DPP10: variants seen among roughly 807,000 people sequenced by gnomAD.
The protein encoded by DPP10 is inactive dipeptidyl peptidase 10.
A neutral mutation model predicts 120.9 loss-of-function variants in DPP10; 33 were observed. The ratio of observed to expected loss-of-function variants is 0.27; its 90% CI spans 0.21 to 0.37. The LOEUF (loss-of-function observed/expected upper bound fraction) is 0.37, where lower values mean the gene tolerates loss of function less well. Ranked by LOEUF, DPP10 falls within the 10% of genes least tolerant of loss-of-function variation. The pLI, the probability that DPP10 is intolerant of heterozygous loss-of-function variation, is 1.00. For missense variants in DPP10, 816 were observed against 942.8 expected (o/e 0.87, Z 1.76); for synonymous variants, 337 against 326.1 (o/e 1.03, Z -0.36).
intron 1 of DPP10, among the ~76,000 whole-genome samples, chr2:115,081,177 A>T (rs1708245961): frequency 6.6e-6 from 1 of 152,168 alleles, no homozygotes. Context: ...TCAGATCTAG[A>T]AAATTGTCAA....
At chr2:115,731,063 A>G (rs1034337756) in intron 8 of DPP10, among the ~76,000 whole-genome samples, 1 of 152,060 alleles carries the variant, frequency 6.6e-6, no homozygotes, top group South Asian at 2.1e-4. Flanking sequence ...TGTCTCTACT[A>G]AAAATACAAA....
rs188512587 is a variant in DPP10 at position 114,685,457 on chromosome 2, C to T, written c.60+242619C>T. 9.6e-4 allele frequency among the ~76,000 whole-genome samples: 146 copies of T among 152,044 alleles called. 1 individual carries two copies. The Middle Eastern group carries it at 0.01, about 11-fold the overall frequency. ...CATAGACCTAAGACCTATGTTTACCCCAAAAGGGAACTAACGGCGTCCATT... is the reference window on the plus strand; with the variant it reads ...CATAGACCTAAGACCTATGTTTACCTCAAAAGGGAACTAACGGCGTCCATT... On this transcript the variant is annotated intron_variant, in intron 1 of 25. Transcript: ENST00000410059.
rs779071474 is a variant in DPP10 at position 114,442,762 on chromosome 2, G to C, written c.-17G>C. ...GGAACTCCGCCTGGGATTGTGCACT[G>C]TCCAGGGTCCTGAAACATGAACCAA... On this transcript the variant is annotated 5_prime_UTR_variant, in exon 1 of 26. Transcript: ENST00000410059. 3 of 1,613,146 alleles carry C rather than the reference G, an allele frequency of 1.9e-6. No homozygotes were observed. Among genetic ancestry groups the C allele is most frequent in the East Asian group, 2.2e-5 (1 of 44,794 alleles).
At chr2:114,724,666 CA>C (rs1287634468) in intron 1 of DPP10, among the ~76,000 whole-genome samples, 1 of 152,148 alleles carries the variant, frequency 6.6e-6, no homozygotes, top group Non-Finnish European at 1.5e-5. Context: ...CTCTTTACAT[CA>C]AAGGTGAACT....
intron 1 of DPP10, among the ~76,000 whole-genome samples, chr2:114,994,880 T>C (rs905535561): frequency 2.0e-5 from 3 of 152,204 alleles, no homozygotes; most frequent in Admixed American, 6.5e-5. Flanking sequence ...AATTCTAATA[T>C]TGCACTTGCC....
chr2:115,280,425 A>G (rs1387256689), intron 1 of DPP10, among the ~76,000 whole-genome samples: 1 of 152,208 alleles, frequency 6.6e-6, no homozygotes, highest in Non-Finnish European at 1.5e-5. Context: ...CTCCGGAATT[A>G]TAAGTCCTGA....
intron 1 of DPP10, among the ~76,000 whole-genome samples, chr2:114,487,809 A>T (rs1573469264): frequency 1.3e-5 from 2 of 152,220 alleles, no homozygotes; most frequent in East Asian, 3.8e-4. Context: ...AACACCCGTT[A>T]TCTTCTAAAT....
intron 1 of DPP10, among the ~76,000 whole-genome samples, chr2:115,176,078 G>A (rs1475508906): frequency 6.6e-6 from 1 of 152,054 alleles, no homozygotes; most frequent in Non-Finnish European, 1.5e-5. Context: ...CCTAATTTAT[G>A]TCTTTAGCCA....
At chr2:115,707,080 A>G (rs1212245656) in intron 7 of DPP10, among the ~76,000 whole-genome samples, 1 of 152,030 alleles carries the variant, frequency 6.6e-6, no homozygotes, top group Non-Finnish European at 1.5e-5. Context: ...CACAGCCAGA[A>G]AAGGATTGAA....
chr2:115,497,559 G>T (rs2076464892), intron 3 of DPP10, among the ~76,000 whole-genome samples: 1 of 152,050 alleles, frequency 6.6e-6, no homozygotes, highest in South Asian at 2.1e-4. Context: ...AATTTATTGA[G>T]AAAATATTGT....
At chr2:115,529,775 C>A (rs2078352156) in intron 5 of DPP10, among the ~76,000 whole-genome samples, 1 of 152,112 alleles carries the variant, frequency 6.6e-6, no homozygotes, top group African/African-American at 2.4e-5. Flanking sequence ...TTCAGGGAAG[C>A]TGGTTAACTG....
At chr2:115,749,779 A>G (rs1474810368) in intron 10 of DPP10, among the ~76,000 whole-genome samples, 2 of 152,170 alleles carry the variant, frequency 1.3e-5, no homozygotes, top group Non-Finnish European at 2.9e-5. Context: ...ACACCGCACA[A>G]ATATTTTGGT....
intron 1 of DPP10, among the ~76,000 whole-genome samples, chr2:114,629,559 T>A (rs1694766151): frequency 6.6e-6 from 1 of 152,150 alleles, no homozygotes; most frequent in Non-Finnish European, 1.5e-5. Context: ...ATAAGATAAA[T>A]ATAATTTCAA....
intron 1 of DPP10, among the ~76,000 whole-genome samples, chr2:114,750,175 A>G (rs1679066049): frequency 6.6e-6 from 1 of 152,130 alleles, no homozygotes; most frequent in Admixed American, 6.5e-5. Flanking sequence ...CAAAAATGTC[A>G]TGAAGGCAAA....
At chr2:114,597,473 T>C (rs1692009422) in intron 1 of DPP10, among the ~76,000 whole-genome samples, 1 of 152,058 alleles carries the variant, frequency 6.6e-6, no homozygotes, top group African/African-American at 2.4e-5. Context: ...TATTATACTT[T>C]GTGTTTTACT....
At chr2:115,477,623 A>G (rs1232115979) in intron 3 of DPP10, among the ~76,000 whole-genome samples, 1 of 152,158 alleles carries the variant, frequency 6.6e-6, no homozygotes, top group East Asian at 1.9e-4. Context: ...AATCCCAATG[A>G]TTTTTTGCAT....
At chr2:115,783,611 G>T (rs189038764) in intron 17 of DPP10, among the ~76,000 whole-genome samples, 65 of 152,242 alleles carry the variant, frequency 4.3e-4, no homozygotes, top group African/African-American at 1.5e-3. Flanking sequence ...CTGAAAGATG[G>T]TTTAGCACAC....
chr2:114,510,002 CA>C (rs1684000054), intron 1 of DPP10, among the ~76,000 whole-genome samples: 1 of 151,702 alleles, frequency 6.6e-6, no homozygotes, highest in Non-Finnish European at 1.5e-5. Flanking sequence ...ACTTCATGGA[CA>C]GAGTGAAAAT....
intron 5 of DPP10, among the ~76,000 whole-genome samples, chr2:115,677,118 A>C (rs2090326950): frequency 6.6e-6 from 1 of 152,172 alleles, no homozygotes; most frequent in Non-Finnish European, 1.5e-5. Flanking sequence ...AAGGAGAAAT[A>C]AAGTGTTTCC....
Sources: allele counts gnomAD v4.1 joint callset (sites outside exome capture counted in the v4.1 genomes callset), GRCh38; gene constraint gnomAD v4.1.1; transcripts MANE v1.5; gene names NCBI Gene and HGNC (gene_info 2026-07-23, HGNC 2026-07-21).